Variants in USP6NL observed in about 807,000 individuals in gnomAD.
USP6NL encodes the protein USP6 N-terminal-like protein.
USP6NL carries 26 observed loss-of-function variants against 61.9 expected under a neutral mutation model. That is an observed-to-expected ratio of 0.42 (90% CI 0.31 to 0.58). USP6NL has a LOEUF of 0.58. USP6NL is among the 20% of genes least tolerant of loss of function. The pLI is 0.16. For missense variants in USP6NL, 1,114 were observed against 1,034.3 expected (o/e 1.08, Z -1.06); for synonymous variants, 432 against 390.1 (o/e 1.11, Z -1.27).
chr10:11,553,407 CAGCAAGG>C lies in USP6NL; in HGVS notation c.5-25847_5-25841del, dbSNP rs1346271478. 6.6e-6 allele frequency among the ~76,000 whole-genome samples: 1 copy of C among 152,208 alleles called. No individual in the cohort carries two copies. The highest frequency in any genetic ancestry group is 2.4e-5 in the African/African-American group (1 of 41,450). On this transcript the variant is annotated intron_variant, in intron 2 of 14. Coordinates refer to ENST00000609104, the MANE Select transcript of USP6NL (RefSeq NM_014688.5). The surrounding 1 kb of genome is among the most constrained non-coding windows in gnomAD (Gnocchi z 4.8). ...AGGTTTCCTTGTGTGGATGTCATTT[CAGCAAGG>C]ATACCAGAAATAATATATAACTCAC...
At position 11,562,437 on chromosome 10, in the gene USP6NL, G is replaced by A. The variant is rs1034576095; in HGVS notation, c.5-34870C>T. 9 of 985,344 alleles carry A rather than the reference G, an allele frequency of 9.1e-6. No individual in the cohort carries two copies. In the Admixed American group the frequency reaches 4.9e-4, roughly 54 times the overall value. 61.0% of individuals were successfully genotyped at this position (985,344 alleles called of 1,614,324 possible). A position where few individuals can be genotyped will look rare whatever the true frequency, so the allele number is the denominator to read the frequency against. ...TTGCTTGGCTCTTGGACCTAAGGATGAAGACGCAGCAGTCATCACGTATCT... is the reference window on the plus strand; with the variant it reads ...TTGCTTGGCTCTTGGACCTAAGGATAAAGACGCAGCAGTCATCACGTATCT... On this transcript the variant is annotated intron_variant, in intron 2 of 14. Transcript: ENST00000609104. This position sits in a 1 kb window ranked among gnomAD's most constrained non-coding sequence, Gnocchi z 4.8.
chr10:11,608,247 G>C (rs1838770026), intron 1 of USP6NL, among the ~76,000 whole-genome samples: 1 of 152,198 alleles, frequency 6.6e-6, no homozygotes, highest in Admixed American at 6.5e-5. Flanking sequence ...CCAATGCAGA[G>C]TTATAAAAGT....
chr10:11,601,203 A>G (rs1358106265), intron 1 of USP6NL, among the ~76,000 whole-genome samples: 1 of 152,218 alleles, frequency 6.6e-6, no homozygotes, highest in Non-Finnish European at 1.5e-5. Context: ...ACATCAACAA[A>G]TATCACAAGT....
intron 2 of USP6NL, among the ~76,000 whole-genome samples, chr10:11,546,684 T>C (rs1222219383): frequency 3.9e-5 from 6 of 152,134 alleles, no homozygotes; most frequent in Admixed American, 2.0e-4. Context: ...CCAAAGCAAT[T>C]TGGATTTTTC....
chr10:11,599,458 T>C (rs1428094743), intron 1 of USP6NL, among the ~76,000 whole-genome samples: 1 of 152,252 alleles, frequency 6.6e-6, no homozygotes, highest in African/African-American at 2.4e-5. Flanking sequence ...AGGATTTCAG[T>C]TCTTAAGACA....
intron 2 of USP6NL, among the ~76,000 whole-genome samples, chr10:11,584,268 C>T (rs1162973919): frequency 1.3e-5 from 2 of 152,166 alleles, no homozygotes; most frequent in Non-Finnish European, 1.5e-5. Flanking sequence ...GTTAATTCAA[C>T]GTAACATCAC....
Position 11,586,418 on chromosome 10 carries a change from G to A in USP6NL, c.4+11213C>T, listed in dbSNP as rs535162624. Among the ~76,000 whole-genome samples the A allele has an allele frequency of 5.3e-5, 8 of 150,092 alleles. No homozygotes were observed. The South Asian group carries it at 1.1e-3, about 20-fold the overall frequency. On this transcript the variant is annotated intron_variant, in intron 2 of 14. Transcript: ENST00000609104. ...ACCAAAAAAAAAAAAAAAGGAAATG[G>A]TTAAGTAAGTTATGATGAGTCATTA...
chr10:11,584,533 T>C (rs1195124567), intron 2 of USP6NL, among the ~76,000 whole-genome samples: 3 of 152,218 alleles, frequency 2.0e-5, no homozygotes, highest in Non-Finnish European at 4.4e-5. Flanking sequence ...TGGTACTTAC[T>C]ATTCTCCACT....
chr10:11,479,733 G>A (rs1833119743), intron 14 of USP6NL, among the ~76,000 whole-genome samples: 1 of 152,004 alleles, frequency 6.6e-6, no homozygotes, highest in African/African-American at 2.4e-5. Context: ...CTGCCACTAT[G>A]CCCGACTAAT....
At chr10:11,572,480 A>C (rs1566190252) in intron 2 of USP6NL, among the ~76,000 whole-genome samples, 4 of 151,918 alleles carry the variant, frequency 2.6e-5, no homozygotes. Context: ...ACATTCTTCC[A>C]CAAAATGAAA....
chr10:11,516,262 A>G (rs186817787), intron 5 of USP6NL, among the ~76,000 whole-genome samples: 166 of 152,352 alleles, frequency 1.1e-3, no homozygotes, highest in Non-Finnish European at 1.4e-3. Flanking sequence ...AGCTGGAAGG[A>G]AAGCTGTGAT....
intron 6 of USP6NL, among the ~76,000 whole-genome samples, chr10:11,507,447 A>G (rs1349550118): frequency 6.6e-6 from 1 of 152,232 alleles, no homozygotes; most frequent in Non-Finnish European, 1.5e-5. Flanking sequence ...GCTAAAACAG[A>G]CAGTTAATAA....
intron 3 of USP6NL, among the ~76,000 whole-genome samples, chr10:11,526,533 A>C (rs922960933): frequency 2.6e-5 from 4 of 152,252 alleles, no homozygotes; most frequent in Non-Finnish European, 5.9e-5. Flanking sequence ...GGACTACAAT[A>C]AAACCTCATC....
At position 11,528,799 on chromosome 10, in the gene USP6NL, T is replaced by C. The variant is rs1835526453; in HGVS notation, c.5-1232A>G. On this transcript the variant is annotated intron_variant, in intron 2 of 14. Transcript: ENST00000609104. This position sits in a 1 kb window ranked among gnomAD's most constrained non-coding sequence, Gnocchi z 4.6. ...ATCCCCTCCTCAAAGCAAATGGTGGTTCCTAAGGAGAGGTGGGGTTAAAAA... is the reference window on the plus strand; with the variant it reads ...ATCCCCTCCTCAAAGCAAATGGTGGCTCCTAAGGAGAGGTGGGGTTAAAAA... Among the ~76,000 whole-genome samples, 1 of 152,116 alleles carries C rather than the reference T, an allele frequency of 6.6e-6. No individual in the cohort carries two copies. Among genetic ancestry groups the C allele is most frequent in the Non-Finnish European group, 1.5e-5 (1 of 68,020 alleles).
In USP6NL at chr10:11,596,618, C is replaced by T. The variant is rs1838337575; in HGVS notation, c.4+1013G>A. ...CAGCCTGGGCGACAGAGGGAGACTC[C>T]GTCTCAAAAAAAAAAAAAAAAACTC... On this transcript the variant is annotated intron_variant, in intron 2 of 14. Coordinates refer to ENST00000609104, the MANE Select transcript of USP6NL (RefSeq NM_014688.5). This position sits in a 1 kb window ranked among gnomAD's most constrained non-coding sequence, Gnocchi z 4.1. 1.4e-5 allele frequency among the ~76,000 whole-genome samples: 2 copies of T among 146,882 alleles called. No homozygotes were observed. The highest frequency in any genetic ancestry group is 5.0e-5 in the African/African-American group (2 of 39,620).
chr10:11,538,656 T>C (rs1251848140), intron 2 of USP6NL, among the ~76,000 whole-genome samples: 1 of 152,206 alleles, frequency 6.6e-6, no homozygotes, highest in African/African-American at 2.4e-5. Flanking sequence ...ACAAAAAAAG[T>C]ATACTTTTGC....
intron 2 of USP6NL, among the ~76,000 whole-genome samples, chr10:11,577,039 A>G (rs1837572844): frequency 6.6e-6 from 1 of 151,088 alleles, no homozygotes; most frequent in Admixed American, 6.6e-5. Flanking sequence ...TTTTAAAAAT[A>G]TATAATTTTC....
intron 2 of USP6NL, among the ~76,000 whole-genome samples, chr10:11,555,537 CAT>C (rs1836680458): frequency 6.9e-6 from 1 of 144,818 alleles, no homozygotes; most frequent in Non-Finnish European, 1.5e-5. Flanking sequence ...GCATAGGAGA[CAT>C]ATGAGACACA....
intron 1 of USP6NL, among the ~76,000 whole-genome samples, chr10:11,607,989 A>C (rs187855427): frequency 5.1e-4 from 78 of 152,226 alleles, no homozygotes; most frequent in African/African-American, 1.9e-3. Flanking sequence ...AAGATATGAA[A>C]CTCCAGAGTA....
Sources: allele counts gnomAD v4.1 joint callset (sites outside exome capture counted in the v4.1 genomes callset), GRCh38; gene constraint gnomAD v4.1.1; non-coding constraint Gnocchi (gnomAD v3.1); transcripts MANE v1.5; gene names NCBI Gene and HGNC (gene_info 2026-07-23, HGNC 2026-07-21).